FBXL17: variants seen among roughly 807,000 people sequenced by gnomAD.
The protein encoded by FBXL17 is F-box and leucine rich repeat protein 17, also known as F-box/LRR-repeat protein 17.
Under a neutral mutation model 66.2 loss-of-function variants are expected in FBXL17, and 22 were observed. The observed-to-expected ratio is 0.33, with a 90% confidence interval of 0.24 to 0.47. The LOEUF (loss-of-function observed/expected upper bound fraction) is 0.47, where lower values mean the gene tolerates loss of function less well. Among genes scored for constraint, FBXL17 ranks in the 20% least tolerant of loss-of-function variants. FBXL17 has a pLI of 1.00. For missense variants in FBXL17, 878 were observed against 948.2 expected (o/e 0.93, Z 0.97); for synonymous variants, 474 against 400.5 (o/e 1.18, Z -2.19).
chr5:108,091,364 T>C (rs1008294080), intron 6 of FBXL17, among the ~76,000 whole-genome samples: 4 of 152,232 alleles, frequency 2.6e-5, no homozygotes, highest in African/African-American at 4.8e-5. Context: ...GTAAATGTTA[T>C]AAACATTTGA....
intron 6 of FBXL17, among the ~76,000 whole-genome samples, chr5:108,084,623 A>G (rs1192057936): frequency 6.6e-6 from 1 of 152,178 alleles, no homozygotes; most frequent in African/African-American, 2.4e-5. Flanking sequence ...TTCTGAAAGA[A>G]CTCTCCTTTT....
intron 6 of FBXL17, among the ~76,000 whole-genome samples, chr5:108,107,386 G>A (rs1393722155): frequency 1.3e-5 from 2 of 152,154 alleles, no homozygotes; most frequent in African/African-American, 4.8e-5. Context: ...TTATTTTGGT[G>A]TTTTCTGTTA....
intron 6 of FBXL17, among the ~76,000 whole-genome samples, chr5:108,027,110 C>T (rs1174721318): frequency 6.6e-6 from 1 of 152,024 alleles, no homozygotes; most frequent in Non-Finnish European, 1.5e-5. Context: ...TAGGAATGGC[C>T]ATCACAAACC....
At chr5:108,227,920 A>T (rs183346611) in intron 4 of FBXL17, among the ~76,000 whole-genome samples, 1 of 152,304 alleles carries the variant, frequency 6.6e-6, no homozygotes, top group East Asian at 1.9e-4. Flanking sequence ...GGTTAAGTAC[A>T]TGGTCAGTTG....
At chr5:108,065,557 A>G (rs961882451) in intron 6 of FBXL17, among the ~76,000 whole-genome samples, 5 of 152,178 alleles carry the variant, frequency 3.3e-5, no homozygotes, top group Non-Finnish European at 7.3e-5. Flanking sequence ...GACAATTCAA[A>G]ATTAATAAAT....
intron 6 of FBXL17, among the ~76,000 whole-genome samples, chr5:108,046,662 C>T (rs927075348): frequency 5.8e-4 from 88 of 152,214 alleles, no homozygotes; most frequent in African/African-American, 1.7e-3. Flanking sequence ...TCACAGTTTA[C>T]TGGTGGTGTC....
rs143722743 is a variant in FBXL17, at chr5:108,364,269, T to A, written c.1374+469A>T. 3.1e-3 allele frequency among the ~76,000 whole-genome samples: 472 copies of A among 152,174 alleles called. 5 individuals are homozygous for A. The highest frequency in any genetic ancestry group is 0.011 in the African/African-American group (451 of 41,554). ...CAGAAGGTATGCATAATACTATTTT[T>A]AACCCAGTTATTGTACCAAATAGAG... On this transcript the variant is annotated intron_variant, in intron 3 of 8. Coordinates refer to ENST00000542267, the MANE Select transcript of FBXL17 (RefSeq NM_001163315.3).
intron 7 of FBXL17, among the ~76,000 whole-genome samples, chr5:107,940,395 G>A (rs902954073): frequency 4.6e-5 from 7 of 152,128 alleles, no homozygotes; most frequent in Admixed American, 4.6e-4. Flanking sequence ...AACAACAACA[G>A]TGAGATGGCG....
rs1561365209 is a variant in FBXL17 at position 108,009,264 on chromosome 5, TATATATATATATATATATATATA to T, written c.1822+11638_1822+11660del. Reference sequence around the variant, plus strand: ...TGGTCGTGAGTTGTTCCCTGTTTTATATATATATATATATATATATATATATATATATATATACATATATACAT... The same window carrying T: ...TGGTCGTGAGTTGTTCCCTGTTTTATTATATATATATATACATATATACAT... On this transcript the variant is annotated intron_variant, in intron 7 of 8. Coordinates refer to ENST00000542267, the MANE Select transcript of FBXL17 (RefSeq NM_001163315.3). Among the ~76,000 whole-genome samples, 65 of 11,118 alleles carry T rather than the reference TATATATATATATATATATATATA, an allele frequency of 5.8e-3. 3 individuals carry two copies. The highest frequency in any genetic ancestry group is 0.022 in the African/African-American group (64 of 2,866). 7.3% of individuals were successfully genotyped at this position (11,118 alleles called of 152,430 possible). A position where few individuals can be genotyped will look rare whatever the true frequency, so the allele number is the denominator to read the frequency against.
At chr5:108,260,549 C>T (rs1756770100) in intron 4 of FBXL17, among the ~76,000 whole-genome samples, 1 of 152,148 alleles carries the variant, frequency 6.6e-6, no homozygotes, top group Non-Finnish European at 1.5e-5. Context: ...TGCCAGGCAA[C>T]ATCGTATTAC....
chr5:108,243,577 G>GT (rs1755959369), intron 4 of FBXL17, among the ~76,000 whole-genome samples: 1 of 152,076 alleles, frequency 6.6e-6, no homozygotes, highest in Non-Finnish European at 1.5e-5. Context: ...AGCCTAGTAG[G>GT]TATTTCATCA....
intron 6 of FBXL17, among the ~76,000 whole-genome samples, chr5:108,082,791 A>G (rs1013925790): frequency 6.6e-6 from 1 of 152,204 alleles, no homozygotes; most frequent in African/African-American, 2.4e-5. Flanking sequence ...ATCTTTGAAC[A>G]GACTGAACTT....
At chr5:107,978,164 A>G (rs1752658527) in intron 7 of FBXL17, among the ~76,000 whole-genome samples, 1 of 152,336 alleles carries the variant, frequency 6.6e-6, no homozygotes, top group East Asian at 1.9e-4. Context: ...TGCAAAGATT[A>G]TGACAGTGAG....
At chr5:108,129,038 A>G (rs1349230142) in intron 6 of FBXL17, among the ~76,000 whole-genome samples, 7 of 152,134 alleles carry the variant, frequency 4.6e-5, no homozygotes. Context: ...TGAGAATTAC[A>G]TACTCAGAGA....
In FBXL17 at chr5:107,982,278, C is replaced by T. The variant is rs540170923; in HGVS notation, c.1822+38647G>A. Among the ~76,000 whole-genome samples, 9 of 152,136 alleles carry T rather than the reference C, an allele frequency of 5.9e-5. No homozygotes were observed. In the South Asian group the frequency reaches 1.9e-3, roughly 32 times the overall value. On this transcript the variant is annotated intron_variant, in intron 7 of 8. Transcript: ENST00000542267. Reference sequence around the variant, plus strand: ...TGTACTTTAAGGTACATCAGGCATACTTTATAGGATTACAGTACTGGGCCA... The same window carrying T: ...TGTACTTTAAGGTACATCAGGCATATTTTATAGGATTACAGTACTGGGCCA...
At chr5:108,003,864 T>C (rs935255599) in intron 7 of FBXL17, among the ~76,000 whole-genome samples, 4 of 152,090 alleles carry the variant, frequency 2.6e-5, no homozygotes, top group Non-Finnish European at 4.4e-5. Context: ...CTAATATATA[T>C]GGCTAAATGT....
intron 7 of FBXL17, among the ~76,000 whole-genome samples, chr5:107,943,787 A>G (rs754876567): frequency 2.6e-5 from 4 of 152,148 alleles, no homozygotes; most frequent in Non-Finnish European, 4.4e-5. Flanking sequence ...TGAAATATTT[A>G]CTACCTGGTC....
At position 107,859,377 on chromosome 5, in the gene FBXL17, CT is replaced by C; in HGVS notation, c.*2342del. On this transcript the variant is annotated 3_prime_UTR_variant, in exon 9 of 9. Coordinates refer to ENST00000542267, the MANE Select transcript of FBXL17 (RefSeq NM_001163315.3). ...CATCACAGGACCACTCAAGGTGATG[CT>C]TTTTTCTGGCTGTTTTTTTTTTTTT... is the stretch of plus-strand genomic sequence containing the variant. 1 of 112,962 alleles carries C rather than the reference CT, an allele frequency of 8.9e-6. No homozygotes were observed. The highest frequency in any genetic ancestry group is 1.9e-5 in the Non-Finnish European group (1 of 53,166). The allele number at this position is 112,962 out of a possible 1,614,324, so 7.0% of individuals were successfully genotyped here. A position where few individuals can be genotyped will look rare whatever the true frequency, so the allele number is the denominator to read the frequency against.
At chr5:108,239,721 G>A (rs553177208) in intron 4 of FBXL17, among the ~76,000 whole-genome samples, 11 of 152,060 alleles carry the variant, frequency 7.2e-5, no homozygotes, top group Non-Finnish European at 1.6e-4. Context: ...ACCACCTGGC[G>A]GGAGCTGGGG....
Sources: allele counts gnomAD v4.1 joint callset (sites outside exome capture counted in the v4.1 genomes callset), GRCh38; gene constraint gnomAD v4.1.1; transcripts MANE v1.5; gene names NCBI Gene and HGNC (gene_info 2026-07-23, HGNC 2026-07-21).